PLEKHA5: variants seen among roughly 807,000 people sequenced by gnomAD.
PLEKHA5 encodes the protein pleckstrin homology domain containing A5, also known as pleckstrin homology domain-containing family A member 5.
In PLEKHA5, 55 loss-of-function variants were observed where a neutral mutation model predicts 181.9. The ratio of observed to expected loss-of-function variants is 0.30; its 90% confidence interval spans 0.24 to 0.38. The LOEUF is 0.38. Among genes scored for constraint, PLEKHA5 ranks in the 10% least tolerant of loss-of-function variants. The pLI is 1.00. For synonymous variants in PLEKHA5, 535 were observed against 529.4 expected (o/e 1.01, Z -0.15); for missense variants, 1,432 against 1,549.5 (o/e 0.92, Z 1.27).
chr12:19,321,206 G>A (rs1348589838), intron 18 of PLEKHA5, among the ~76,000 whole-genome samples: 3 of 151,546 alleles, frequency 2.0e-5, no homozygotes, highest in Non-Finnish European at 4.4e-5. Flanking sequence ...GACTGGAGAC[G>A]AATTGCTGTG....
At chr12:19,133,579 T>G (rs963427933) in intron 3 of PLEKHA5, among the ~76,000 whole-genome samples, 1 of 152,044 alleles carries the variant, frequency 6.6e-6, no homozygotes, top group Non-Finnish European at 1.5e-5. Context: ...TTTAAGATCA[T>G]GTTATACTTC....
intron 3 of PLEKHA5, among the ~76,000 whole-genome samples, chr12:19,133,538 G>C (rs1007179073): frequency 6.6e-6 from 1 of 151,864 alleles, no homozygotes; most frequent in Non-Finnish European, 1.5e-5. Context: ...TTATTTCATT[G>C]AGCCTAGAAA....
At chr12:19,233,844 G>A (rs1161901295) in intron 3 of PLEKHA5, among the ~76,000 whole-genome samples, 3 of 152,158 alleles carry the variant, frequency 2.0e-5, no homozygotes, top group South Asian at 2.1e-4. Context: ...TAGAGATAAC[G>A]TGAAAAGAGA....
Position 19,198,890 on chromosome 12 carries a change from A to G in PLEKHA5, c.228-55050A>G, listed in dbSNP as rs189333239. ...TGAAATATTTTTTAAAAATTTTTCT[A>G]TAAGACCATTACTCAGCAGCAAAAT... On this transcript the variant is annotated intron_variant, in intron 3 of 31. Coordinates refer to ENST00000429027, the MANE Select transcript of PLEKHA5 (RefSeq NM_001256470.2). 3.1e-3 allele frequency among the ~76,000 whole-genome samples: 474 copies of G among 152,302 alleles called. 2 individuals are homozygous for G. The highest frequency in any genetic ancestry group is 0.011 in the African/African-American group (458 of 41,568).
At chr12:19,212,079 AT>A (rs2057027727) in intron 3 of PLEKHA5, among the ~76,000 whole-genome samples, 1 of 152,204 alleles carries the variant, frequency 6.6e-6, no homozygotes, top group South Asian at 2.1e-4. Context: ...TATAAATTTT[AT>A]TTAACGGAGG....
chr12:19,138,806 G>A (rs1325140695), intron 3 of PLEKHA5, among the ~76,000 whole-genome samples: 1 of 152,136 alleles, frequency 6.6e-6, no homozygotes, highest in Non-Finnish European at 1.5e-5. Context: ...AACTAGGCTT[G>A]TTAGTGATGG....
intron 15 of PLEKHA5, among the ~76,000 whole-genome samples, chr12:19,294,137 TAGAC>T (rs1394033308): frequency 6.6e-6 from 1 of 152,182 alleles, no homozygotes; most frequent in Non-Finnish European, 1.5e-5. Context: ...AGGTAATAAT[TAGAC>T]AGCATATGAA....
intron 3 of PLEKHA5, among the ~76,000 whole-genome samples, chr12:19,174,899 A>G (rs113408341): frequency 0.022 from 3,342 of 152,352 alleles, 130 homozygotes; most frequent in African/African-American, 0.076. Flanking sequence ...CAACACAGGG[A>G]AACTACAGCC....
At chr12:19,230,240 T>C (rs1217346462) in intron 3 of PLEKHA5, among the ~76,000 whole-genome samples, 1 of 152,184 alleles carries the variant, frequency 6.6e-6, no homozygotes, top group Non-Finnish European at 1.5e-5. Flanking sequence ...TTACAATCCC[T>C]TAGGTAGACA....
intron 3 of PLEKHA5, among the ~76,000 whole-genome samples, chr12:19,187,637 G>A (rs2050160886): frequency 6.6e-6 from 1 of 152,106 alleles, no homozygotes; most frequent in Non-Finnish European, 1.5e-5. Context: ...TATCCTACTG[G>A]ATATAAAAGT....
intron 3 of PLEKHA5, among the ~76,000 whole-genome samples, chr12:19,218,903 A>AT (rs1157650116): frequency 7.9e-4 from 39 of 49,110 alleles, no homozygotes; most frequent in African/African-American, 1.4e-3. Context: ...AATTATTATT[A>AT]TTATTTTTTT....
At position 19,209,815 on chromosome 12, in the gene PLEKHA5, G is replaced by A. The variant is rs1394361269; in HGVS notation, c.228-44125G>A. Among the ~76,000 whole-genome samples, 5 of 152,260 alleles carry A rather than the reference G, an allele frequency of 3.3e-5. No individual in the cohort carries two copies. In the East Asian group the frequency reaches 9.7e-4, roughly 29 times the overall value. On this transcript the variant is annotated intron_variant, in intron 3 of 31. Coordinates refer to ENST00000429027, the MANE Select transcript of PLEKHA5 (RefSeq NM_001256470.2). ...CTTGTTGACTTTCTCAAGGGCCAAG[G>A]AACAATAACATCTGCTTATGAGAGT...
At chr12:19,255,451 A>T (rs1170938825) in intron 5 of PLEKHA5, among the ~76,000 whole-genome samples, 1 of 152,064 alleles carries the variant, frequency 6.6e-6, no homozygotes, top group African/African-American at 2.4e-5. Context: ...TAGCCTAGAA[A>T]TCAAATTATC....
intron 11 of PLEKHA5, among the ~76,000 whole-genome samples, chr12:19,278,407 T>A (rs975946866): frequency 1.3e-5 from 2 of 152,148 alleles, no homozygotes; most frequent in South Asian, 4.1e-4. Context: ...ATAAGCAACT[T>A]TGGGTGTGTT....
chr12:19,284,330 A>C (rs529996309), intron 12 of PLEKHA5, among the ~76,000 whole-genome samples: 2 of 152,182 alleles, frequency 1.3e-5, no homozygotes, highest in African/African-American at 2.4e-5. Flanking sequence ...CAGCCTCCCA[A>C]AGTGCTGAGA....
At chr12:19,133,195 G>A (rs577858683) in intron 3 of PLEKHA5, among the ~76,000 whole-genome samples, 10 of 152,004 alleles carry the variant, frequency 6.6e-5, no homozygotes, top group South Asian at 2.1e-4. Context: ...GAGAAAAGAT[G>A]ACCAGTCAGT....
At chr12:19,361,454 A>AT (rs1369782853) in intron 28 of PLEKHA5, 128 bp from the exon 29 acceptor site, 1 of 586,066 alleles carries the variant, frequency 1.7e-6, no homozygotes, top group Non-Finnish European at 3.0e-6. Context: ...AAGTGCTGGG[A>AT]TTACAGGCGT....
At chr12:19,267,556 AG>A (rs1478047850) in intron 8 of PLEKHA5, among the ~76,000 whole-genome samples, 1 of 152,140 alleles carries the variant, frequency 6.6e-6, no homozygotes, top group Non-Finnish European at 1.5e-5. Context: ...GCTACTGGGG[AG>A]GCTGAGGTGG....
At chr12:19,168,448 G>A (rs1032752894) in intron 3 of PLEKHA5, among the ~76,000 whole-genome samples, 1 of 151,758 alleles carries the variant, frequency 6.6e-6, no homozygotes, top group Non-Finnish European at 1.5e-5. Flanking sequence ...CAATACATGG[G>A]TGGAAACCAC....
Sources: allele counts gnomAD v4.1 joint callset (sites outside exome capture counted in the v4.1 genomes callset), GRCh38; gene constraint gnomAD v4.1.1; transcripts MANE v1.5; gene names NCBI Gene and HGNC (gene_info 2026-07-23, HGNC 2026-07-21).